The following ANXA6 variants were observed in gnomAD, a reference collection of about 807,000 sequenced individuals.
ANXA6 encodes annexin A6.
A neutral mutation model predicts 95.4 loss-of-function variants in ANXA6; 71 were observed. The observed-to-expected ratio is 0.74, with a 90% CI of 0.61 to 0.91. The LOEUF (loss-of-function observed/expected upper bound fraction) is 0.91. Ranked by LOEUF, ANXA6 falls within the 40% of genes least tolerant of loss-of-function variation. The pLI, the probability that ANXA6 is intolerant of heterozygous loss-of-function variation, is 0.00. For synonymous variants in ANXA6, 289 were observed against 315.9 expected (o/e 0.91, Z 0.90); for missense variants, 830 against 876.4 (o/e 0.95, Z 0.67).
At chr5:151,115,704 A>C (rs1191960308) in intron 20 of ANXA6, among the ~76,000 whole-genome samples, 1 of 152,236 alleles carries the variant, frequency 6.6e-6, no homozygotes, top group Non-Finnish European at 1.5e-5. Context: ...AAGCCACCCT[A>C]GTGTCTGGCT....
chr5:151,140,577 A>AATATATATATATATATATAT (rs61352316), intron 2 of ANXA6: 5 of 143,842 alleles, frequency 3.5e-5, no homozygotes, highest in African/African-American at 1.1e-4. Context: ...GCAAGAGTCA[A>AATATATATATATATATATAT]ATATATATAT....
At chr5:151,145,382 G>A (rs1765950132) in intron 2 of ANXA6, among the ~76,000 whole-genome samples, 1 of 152,246 alleles carries the variant, frequency 6.6e-6, no homozygotes, top group Non-Finnish European at 1.5e-5. Flanking sequence ...CTGTCCTCAA[G>A]GTGTTTTTAT....
chr5:151,147,913 CGCA>C lies in ANXA6; in HGVS notation c.-15_-13del. On this transcript the variant is annotated 5_prime_UTR_variant, in exon 2 of 26. Coordinates refer to ENST00000354546, the MANE Select transcript of ANXA6 (RefSeq NM_001155.5). Reference sequence around the variant, plus strand: ...GCTGGTTTGGCCATGGTCTCCGGTTCGCAGCAGAATCCACTGTAGAGAAGAAAG... The same window carrying C: ...GCTGGTTTGGCCATGGTCTCCGGTTCGCAGAATCCACTGTAGAGAAGAAAG... 4 of 1,602,760 alleles carry C rather than the reference CGCA, an allele frequency of 2.5e-6. No homozygotes were observed.
chr5:151,132,463 C>T lies in ANXA6; in HGVS notation c.736+13G>A, dbSNP rs370193755. ...TCCCCTAAAGCCCCCAGGAATGCAA[C>T]GTCAGGACATACCTACGGCCAGCAT... On this transcript the variant is annotated intron_variant, in intron 10 of 25. Transcript: ENST00000354546. 4.5e-5 allele frequency: 72 copies of T among 1,604,482 alleles called. No homozygotes were observed. Among genetic ancestry groups the T allele is most frequent in the African/African-American group, 2.3e-4 (17 of 74,710 alleles).
chr5:151,141,499 A>C (rs960984647), intron 2 of ANXA6: 2 of 985,376 alleles, frequency 2.0e-6, no homozygotes, highest in South Asian at 4.7e-5. Flanking sequence ...AATCCAAAAA[A>C]GAGGGAATGG....
At chr5:151,140,966 C>CA (rs1287162814) in intron 2 of ANXA6, among the ~76,000 whole-genome samples, 8 of 152,186 alleles carry the variant, frequency 5.3e-5, no homozygotes, top group Non-Finnish European at 1.0e-4. Flanking sequence ...GTCCTGGGCA[C>CA]AGGGGGCCCA....
At chr5:151,126,013 C>T (rs1480483619) in intron 14 of ANXA6, among the ~76,000 whole-genome samples, 4 of 152,144 alleles carry the variant, frequency 2.6e-5, no homozygotes, top group African/African-American at 7.2e-5. Context: ...TTTGTGGACC[C>T]CCAGTCTGAG....
intron 22 of ANXA6, 56 bp from the exon 23 acceptor site, chr5:151,108,606 G>A (rs1764765097): frequency 6.7e-7 from 1 of 1,487,244 alleles, no homozygotes; most frequent in Non-Finnish European, 9.4e-7. Flanking sequence ...GGAGGCGGAG[G>A]ACCCCTCCTC....
chr5:151,146,100 C>CCCTA (rs1479576534), intron 2 of ANXA6, among the ~76,000 whole-genome samples: 1 of 152,160 alleles, frequency 6.6e-6, no homozygotes, highest in Non-Finnish European at 1.5e-5. Context: ...GTCTACTGAA[C>CCCTA]CCTAGTCCAT....
chr5:151,127,228 C>T (rs1314656070), intron 13 of ANXA6, among the ~76,000 whole-genome samples: 1 of 152,258 alleles, frequency 6.6e-6, no homozygotes, highest in East Asian at 1.9e-4. Context: ...TCAGTAATAT[C>T]TGCTGAACTG....
In ANXA6 at chr5:151,117,180, C is replaced by T. The variant is rs1765025343; in HGVS notation, c.1519G>A (p.Gly507Arg). The part of the protein sequence containing the change: ...FRRILISLAT[G>R]HREEGGENLD... ...TTTTCTCCTCCCTCCTCACGATGCCCCTGCAGCAGGAGCAGCAAGAAAGTT... is the reference window on the plus strand; with the variant it reads ...TTTTCTCCTCCCTCCTCACGATGCCTCTGCAGCAGGAGCAGCAAGAAAGTT... Residue 507 changes from glycine to arginine, a missense_variant and splice_region_variant, in exon 20 of 26, where the codon GGG becomes AGG. By Grantham distance (125) the Gly-to-Arg change is moderately radical. Transcript: ENST00000354546. 1.9e-6 allele frequency: 3 copies of T among 1,590,822 alleles called. No homozygotes were observed. The highest frequency in any genetic ancestry group is 1.7e-4 in the Middle Eastern group (1 of 6,006).
In ANXA6 at chr5:151,101,431, C is replaced by G. The variant is rs535568285; in HGVS notation, c.*17G>C. On this transcript the variant is annotated 3_prime_UTR_variant, in exon 26 of 26. Transcript: ENST00000354546. ...GATAACCATTTCTTGGCAGAAGTGC[C>G]CGCCAAAGCTGTGGCCCTAGTCCTC... 2.6e-6 allele frequency: 4 copies of G among 1,553,608 alleles called. No individual in the cohort carries two copies. The African/African-American group carries it at 4.1e-5, about 16-fold the overall frequency.
intron 20 of ANXA6, among the ~76,000 whole-genome samples, chr5:151,114,314 T>C (rs961840923): frequency 6.6e-6 from 1 of 152,080 alleles, no homozygotes; most frequent in Non-Finnish European, 1.5e-5. Flanking sequence ...AAAGCTGTTA[T>C]ATTTTTAAAA....
rs570368019 is a variant in ANXA6 at position 151,100,914 on chromosome 5, A to G, written c.*534T>C. Reference sequence around the variant, plus strand: ...TCAGAAACAAGTGCATGGCAGATGCAGATTTGAACCCAGGCATCCAAATTC... The same window carrying G: ...TCAGAAACAAGTGCATGGCAGATGCGGATTTGAACCCAGGCATCCAAATTC... On this transcript the variant is annotated 3_prime_UTR_variant, in exon 26 of 26. Transcript: ENST00000354546. 2 of 456,456 alleles carry G rather than the reference A, an allele frequency of 4.4e-6. No individual in the cohort carries two copies. Among genetic ancestry groups the G allele is most frequent in the East Asian group, 6.9e-5 (1 of 14,394 alleles). The allele number at this position is 456,456 out of a possible 1,614,324, so 28.3% of individuals were successfully genotyped here.
intron 18 of ANXA6, 50 bp downstream of exon 18, chr5:151,119,250 G>A (rs766395371): frequency 6.6e-7 from 1 of 1,504,124 alleles, no homozygotes; most frequent in South Asian, 1.1e-5. Flanking sequence ...TTGGAAGTTG[G>A]GGGGCCTGGC....
Position 151,120,348 on chromosome 5 carries a change from T to C in ANXA6, c.1348-958A>G, listed in dbSNP as rs533071590. On this transcript the variant is annotated intron_variant, in intron 17 of 25. Transcript: ENST00000354546. The stretch of plus-strand genomic sequence containing the variant: ...CTGAATGAGTCAATGACTAATTCAC[T>C]CATTCAGGTACTTGTTAAGACACCT... Among the ~76,000 whole-genome samples the C allele has an allele frequency of 7.5e-4, 112 of 150,206 alleles. 1 individual carries two copies. Among genetic ancestry groups the C allele is most frequent in the African/African-American group, 2.7e-3 (112 of 40,728 alleles).
At chr5:151,116,690 A>G (rs1164819716) in intron 20 of ANXA6, among the ~76,000 whole-genome samples, 1 of 152,116 alleles carries the variant, frequency 6.6e-6, no homozygotes, top group Non-Finnish European at 1.5e-5. Flanking sequence ...GTCCCAGGAC[A>G]CTCCCTCCAA....
intron 1 of ANXA6, chr5:151,151,388 G>C (rs1766102291): frequency 6.6e-6 from 1 of 152,326 alleles, no homozygotes; most frequent in Non-Finnish European, 1.5e-5. Context: ...TTTCTAGACG[G>C]GGTAAAGGCA....
At chr5:151,107,546 T>G (rs1764729554) in intron 23 of ANXA6, among the ~76,000 whole-genome samples, 2 of 152,348 alleles carry the variant, frequency 1.3e-5, no homozygotes, top group Admixed American at 6.5e-5. Flanking sequence ...TTCCCCCACA[T>G]TTTAGTGTCT....
Sources: gnomAD v4.1 joint callset for allele counts (sites outside exome capture counted in the v4.1 genomes callset) on GRCh38, gnomAD v4.1.1 for gene constraint, MANE v1.5 for transcripts, NCBI Gene and HGNC (gene_info 2026-07-23, HGNC 2026-07-21) for gene names.